Variants in ANKRD11 observed in about 807,000 individuals in gnomAD.
ANKRD11 encodes the protein ankyrin repeat domain 11, also known as ankyrin repeat domain-containing protein 11.
ANKRD11 carries 17 observed loss-of-function variants against 195.7 expected under a neutral mutation model. The observed-to-expected ratio is 0.09, with a 90% CI of 0.06 to 0.13. ANKRD11 has a LOEUF of 0.13. ANKRD11 is among the 10% of genes least tolerant of loss of function. The probability of loss-of-function intolerance (pLI) is 1.00; values close to 1 mark genes in which losing one functional copy is unlikely to be tolerated. For synonymous variants in ANKRD11, 1,953 were observed against 1,528.1 expected (o/e 1.28, Z -6.49); for missense variants, 3,735 against 3,566.1 (o/e 1.05, Z -1.21).
chr16:89,317,483 C>T (rs1322948863), intron 2 of ANKRD11, among the ~76,000 whole-genome samples: 1 of 152,232 alleles, frequency 6.6e-6, no homozygotes, highest in African/African-American at 2.4e-5. Context: ...ACACGCAGCG[C>T]AGTACCCCAG....
rs62068593 is a variant in ANKRD11 at position 89,380,114 on chromosome 16, C to A, written c.-60+38170G>T. Among the ~76,000 whole-genome samples the A allele has an allele frequency of 2.6e-5, 4 of 152,070 alleles. No homozygotes were observed. The South Asian group carries it at 8.3e-4, about 32-fold the overall frequency. ...GTACCCCAGTTGCAAAACAATGATG[C>A]CTGTTTTTTTCTTTTTGAGACAGAG... On this transcript the variant is annotated intron_variant, in intron 2 of 12. Transcript: ENST00000301030.
intron 2 of ANKRD11, chr16:89,323,957 G>A (rs560077657): frequency 1.9e-5 from 4 of 211,778 alleles, no homozygotes; most frequent in South Asian, 6.5e-5. Flanking sequence ...TGTTTGTGTC[G>A]GCCCCTCCCC....
At chr16:89,350,496 CCA>C (rs1421751794) in intron 2 of ANKRD11, among the ~76,000 whole-genome samples, 1 of 152,198 alleles carries the variant, frequency 6.6e-6, no homozygotes, top group African/African-American at 2.4e-5. Flanking sequence ...CTGACATACA[CCA>C]CAGAACCCAG....
chr16:89,276,796 AC>A (rs1434291415), intron 9 of ANKRD11, among the ~76,000 whole-genome samples: 1 of 152,150 alleles, frequency 6.6e-6, no homozygotes, highest in Non-Finnish European at 1.5e-5. Context: ...AGTGGCTCAC[AC>A]CTGTAATCCC....
Position 89,281,147 on chromosome 16 carries a change from G to A in ANKRD11, c.5395C>T (p.Pro1799Ser). The change falls in exon 9 of 13, where the codon CCC becomes TCC. Residue 1799 changes from proline (P) to serine (S), a missense_variant. Transcript: ENST00000301030. The surrounding 1 kb of genome is among the most constrained non-coding windows in gnomAD (Gnocchi z 5.5). ...TCTCCGACGCTGAATTCTTCCTCGG[G>A]GGTCCTCCTAATGTCGACAGAGACC... is the stretch of plus-strand genomic sequence containing the variant. ...RSVSVDIRRT[P>S]EEEFSVGDKL... 6.2e-7 allele frequency: 1 copy of A among 1,613,862 alleles called. No homozygotes were observed. The highest frequency in any genetic ancestry group is 1.1e-5 in the South Asian group (1 of 91,078).
intron 2 of ANKRD11, among the ~76,000 whole-genome samples, chr16:89,382,886 G>A (rs545472638): frequency 1.6e-3 from 245 of 152,226 alleles, no homozygotes; most frequent in Middle Eastern, 0.01. Context: ...TGTTGCCCAG[G>A]CTGGAGTGCA....
At chr16:89,345,038 G>A (rs1036141301) in intron 2 of ANKRD11, among the ~76,000 whole-genome samples, 3 of 152,174 alleles carry the variant, frequency 2.0e-5, no homozygotes, top group East Asian at 3.8e-4. Flanking sequence ...AGGCCAAGCG[G>A]TGCTCCAGGG....
chr16:89,341,840 CGG>C lies in ANKRD11; in HGVS notation c.-59-24764_-59-24763del, dbSNP rs1567673414. On this transcript the variant is annotated intron_variant, in intron 2 of 12. Transcript: ENST00000301030. ...AGCCCACAGCAGCCACGGCCCACGG[CGG>C]GAGTGCTGCACCTCCACCCACAGCG... 4.6e-4 allele frequency among the ~76,000 whole-genome samples: 70 copies of C among 152,032 alleles called. 1 individual carries two copies. Among genetic ancestry groups the C allele is most frequent in the African/African-American group, 1.6e-3 (68 of 41,412 alleles).
chr16:89,330,945 T>C (rs898341337), intron 2 of ANKRD11, among the ~76,000 whole-genome samples: 1 of 152,190 alleles, frequency 6.6e-6, no homozygotes, highest in African/African-American at 2.4e-5. Context: ...TGAAAAATAT[T>C]ATAAGCAAAA....
chr16:89,340,300 C>T (rs558629934), intron 2 of ANKRD11, among the ~76,000 whole-genome samples: 2 of 152,326 alleles, frequency 1.3e-5, no homozygotes, highest in South Asian at 2.1e-4. Flanking sequence ...GTTTTTGAGA[C>T]GGAGTCTCGC....
intron 1 of ANKRD11, among the ~76,000 whole-genome samples, chr16:89,472,201 G>A (rs1335581085): frequency 1.3e-5 from 2 of 150,318 alleles, no homozygotes; most frequent in Admixed American, 6.6e-5. Context: ...ATAAACACTC[G>A]CAGGACACAG....
chr16:89,325,085 C>T (rs2037622219), intron 2 of ANKRD11: 1 of 153,204 alleles, frequency 6.5e-6, no homozygotes, highest in Admixed American at 6.5e-5. Flanking sequence ...CCAGCAATGC[C>T]ATTCTGGACA....
At chr16:89,486,772 G>A (rs1332383976) in intron 1 of ANKRD11, among the ~76,000 whole-genome samples, 3 of 151,962 alleles carry the variant, frequency 2.0e-5, no homozygotes, top group African/African-American at 4.8e-5. Flanking sequence ...TTGGGAGGCC[G>A]AGGCAGGTGG....
chr16:89,433,228 G>T (rs538899844), intron 1 of ANKRD11, among the ~76,000 whole-genome samples: 4 of 152,310 alleles, frequency 2.6e-5, no homozygotes, highest in African/African-American at 4.8e-5. Context: ...AGGGTTTCAT[G>T]ACAAGGCCCA....
intron 2 of ANKRD11, among the ~76,000 whole-genome samples, chr16:89,368,831 TTG>T (rs2040067097): frequency 6.6e-6 from 1 of 151,876 alleles, no homozygotes; most frequent in Non-Finnish European, 1.5e-5. Flanking sequence ...AGCCAGGAGG[TTG>T]ACGCCACAGT....
chr16:89,465,071 T>A (rs1597492535), intron 1 of ANKRD11, among the ~76,000 whole-genome samples: 1 of 152,242 alleles, frequency 6.6e-6, no homozygotes, highest in South Asian at 2.1e-4. Flanking sequence ...CTAATTTCAG[T>A]GTTAGTAATA....
At chr16:89,390,438 C>T (rs550013518) in intron 2 of ANKRD11, among the ~76,000 whole-genome samples, 2 of 152,146 alleles carry the variant, frequency 1.3e-5, no homozygotes, top group African/African-American at 2.4e-5. Context: ...GCCTAACCAA[C>T]GGTAAGGGGT....
chr16:89,381,354 A>AAAAAAAAAAAAAAAAAAAAAAAAG (rs1555560066), intron 2 of ANKRD11, among the ~76,000 whole-genome samples: 2 of 125,346 alleles, frequency 1.6e-5, no homozygotes, highest in African/African-American at 6.6e-5. Context: ...AAAAAAAAAA[A>AAAAAAAAAAAAAAAAAAAAAAAAG]GGGGTGAGAA....
intron 2 of ANKRD11, among the ~76,000 whole-genome samples, chr16:89,411,357 G>T (rs568602479): frequency 1.3e-5 from 2 of 152,380 alleles, no homozygotes; most frequent in East Asian, 1.9e-4. Context: ...ACCGGAAGAG[G>T]AGCAGGCTGC....
Sources: gnomAD v4.1 joint callset for allele counts (sites outside exome capture counted in the v4.1 genomes callset) on GRCh38, gnomAD v4.1.1 for gene constraint, Gnocchi (gnomAD v3.1) non-coding constraint, MANE v1.5 for transcripts, NCBI Gene and HGNC (gene_info 2026-07-23, HGNC 2026-07-21) for gene names.